MKNK2: variants seen among roughly 807,000 people sequenced by gnomAD.
The protein encoded by MKNK2 is MAPK interacting serine/threonine kinase 2.
Under a neutral mutation model 55.0 loss-of-function variants are expected in MKNK2, and 54 were observed. The observed-to-expected ratio is 0.98, with a 90% CI of 0.79 to 1.23. MKNK2 has a LOEUF of 1.23. Among genes scored for constraint, MKNK2 ranks in the 50% most tolerant of loss-of-function variants. The probability of loss-of-function intolerance (pLI) is 0.00; values close to 1 mark genes in which losing one functional copy is unlikely to be tolerated. For missense variants in MKNK2, 685 were observed against 632.1 expected (o/e 1.08, Z -0.90); for synonymous variants, 323 against 256.0 (o/e 1.26, Z -2.50).
At chr19:2,050,024 C>T (rs556815121) in intron 2 of MKNK2, among the ~76,000 whole-genome samples, 6 of 152,212 alleles carry the variant, frequency 3.9e-5, no homozygotes, top group Admixed American at 1.3e-4. Flanking sequence ...GAAGCGATTA[C>T]ATAACCCCGG....
rs576829962 is a variant in MKNK2 at position 2,045,538 on chromosome 19, A to C, written c.339+648T>G. Reference sequence around the variant, plus strand: ...ACCCCTCTTCTTCCTCCTTCTCCTCAGAGGAAAGCTCTAGCCTGGCCGTCC... The same window carrying C: ...ACCCCTCTTCTTCCTCCTTCTCCTCCGAGGAAAGCTCTAGCCTGGCCGTCC... On this transcript the variant is annotated intron_variant, in intron 5 of 13. Coordinates refer to ENST00000250896, the MANE Select transcript of MKNK2 (RefSeq NM_199054.3). Among the ~76,000 whole-genome samples the C allele has an allele frequency of 9.9e-5, 15 of 151,970 alleles. No homozygotes were observed. In the East Asian group the frequency reaches 2.7e-3, roughly 28 times the overall value.
intron 12 of MKNK2, 101 bp downstream of exon 12, chr19:2,040,939 C>G (rs1310215519): frequency 8.7e-7 from 1 of 1,153,256 alleles, no homozygotes; most frequent in Non-Finnish European, 1.3e-6. Flanking sequence ...CAGTGCATCT[C>G]AGGGTGTCCA....
intron 2 of MKNK2, among the ~76,000 whole-genome samples, chr19:2,048,327 C>T (rs1276726525): frequency 1.3e-5 from 2 of 152,162 alleles, no homozygotes; most frequent in Non-Finnish European, 2.9e-5. Context: ...GCCCAGCCCC[C>T]GTGGAAGATG....
intron 2 of MKNK2, among the ~76,000 whole-genome samples, chr19:2,047,577 G>A (rs142458784): frequency 6.6e-5 from 10 of 152,182 alleles, no homozygotes; most frequent in Non-Finnish European, 1.0e-4. Context: ...CAAAGGCAGC[G>A]GGGCAGTGGG....
At chr19:2,039,912 TG>T (rs2016839357) in intron 13 of MKNK2, 56 bp from the exon 14 acceptor site, 1 of 1,550,410 alleles carries the variant, frequency 6.4e-7, no homozygotes. Flanking sequence ...AGGGGACCCC[TG>T]GGGTCTGTGA....
Position 2,041,009 on chromosome 19 carries a change from C to T in MKNK2, c.1110+31G>A, listed in dbSNP as rs201504720. 16 of 1,611,946 alleles carry T rather than the reference C, an allele frequency of 9.9e-6. No homozygotes were observed. The African/African-American group carries it at 1.2e-4, about 12-fold the overall frequency. ...AGGCCACCCTGCAGCGCCCCCATAC[C>T]CCTCCTGCCGCCCGTGCGGCTGGTA... On this transcript the variant is annotated intron_variant, in intron 12 of 13. Coordinates refer to ENST00000250896, the MANE Select transcript of MKNK2 (RefSeq NM_199054.3).
At chr19:2,040,282 G>A in intron 12 of MKNK2, 105 bp from the exon 13 acceptor site, 1 of 1,030,784 alleles carries the variant, frequency 9.7e-7, no homozygotes. Flanking sequence ...CCATCACCAG[G>A]ACCCCACCGG....
rs2016773937 is a variant in MKNK2, at chr19:2,037,610, C to A, written c.*2003G>T. ...TTAAAGTGCTTGGATGTTTTTCCCC[C>A]ACTTTAAAAAAACTTTTGAGGTTTT... On this transcript the variant is annotated 3_prime_UTR_variant, in exon 14 of 14. Coordinates refer to ENST00000250896, the MANE Select transcript of MKNK2 (RefSeq NM_199054.3). The A allele has an allele frequency of 1.4e-6, 1 of 691,380 alleles. No individual in the cohort carries two copies. Among genetic ancestry groups the A allele is most frequent in the Non-Finnish European group, 2.1e-6 (1 of 469,726 alleles). 42.8% of individuals were successfully genotyped at this position (691,380 alleles called of 1,614,324 possible).
chr19:2,039,934 G>A (rs1055248570), intron 13 of MKNK2, 78 bp from the exon 14 acceptor site: 3 of 1,500,004 alleles, frequency 2.0e-6, no homozygotes, highest in Middle Eastern at 1.8e-4. Flanking sequence ...AGGCCCTGGG[G>A]GAAGGGGCTT....
Position 2,046,380 on chromosome 19 carries a change from C to T in MKNK2, c.228G>A (p.Ser76=), listed in dbSNP as rs372800343. 3.0e-5 allele frequency: 49 copies of T among 1,608,196 alleles called. No homozygotes were observed. The African/African-American group carries it at 3.9e-4, about 13-fold the overall frequency. The change falls in exon 4 of 14, where the codon TCG becomes TCA. Residue 76 remains serine (S), a synonymous_variant. Coordinates refer to ENST00000250896, the MANE Select transcript of MKNK2 (RefSeq NM_199054.3). ...ATCCCCGCTCACCTTCAAACCTGCCCGAGAAGCTGTCGGTGGCCCGGCCGC... is the reference window on the plus strand; with the variant it reads ...ATCCCCGCTCACCTTCAAACCTGCCTGAGAAGCTGTCGGTGGCCCGGCCGC... ...KKRGRATDSF[S]GRFEDVYQLQ...
Position 2,039,283 on chromosome 19 carries a change from G to A in MKNK2, c.*330C>T, listed in dbSNP as rs987736298. ...ACGTGGGCAGATGGCGGGCAGCACA[G>A]GTGACCTGGGGGCACCTTCATAGTA... On this transcript the variant is annotated 3_prime_UTR_variant, in exon 14 of 14. Transcript: ENST00000250896. 3 of 1,183,888 alleles carry A rather than the reference G, an allele frequency of 2.5e-6. No homozygotes were observed. Among genetic ancestry groups the A allele is most frequent in the South Asian group, 3.0e-5 (1 of 33,098 alleles). 73.3% of individuals were successfully genotyped at this position (1,183,888 alleles called of 1,614,324 possible).
intron 3 of MKNK2, 44 bp from the exon 4 acceptor site, chr19:2,046,512 G>T: frequency 1.3e-6 from 2 of 1,572,248 alleles, no homozygotes; most frequent in Non-Finnish European, 8.6e-7. Flanking sequence ...CATGGCCCTG[G>T]CCGGCCGGCC....
chr19:2,038,143 A>C lies in MKNK2; in HGVS notation c.*1470T>G. 9.5e-7 allele frequency: 1 copy of C among 1,051,606 alleles called. No individual in the cohort carries two copies. Among genetic ancestry groups the C allele is most frequent in the Non-Finnish European group, 1.1e-6 (1 of 873,980 alleles). The allele number at this position is 1,051,606 out of a possible 1,614,324, so 65.1% of individuals were successfully genotyped here. On this transcript the variant is annotated 3_prime_UTR_variant, in exon 14 of 14. Transcript: ENST00000250896. ...CTGTGACCATCATACGAGATTCAGG[A>C]GGGGCAGCAGGGCCAGGCAGACGGT...
chr19:2,037,715 G>C lies in MKNK2; in HGVS notation c.*1898C>G. On this transcript the variant is annotated 3_prime_UTR_variant, in exon 14 of 14. Coordinates refer to ENST00000250896, the MANE Select transcript of MKNK2 (RefSeq NM_199054.3). Reference sequence around the variant, plus strand: ...GTCCCCCAGCGATGGGAGCTGGCCTGGGGCCCAGGGTCCTCCAGGATCTTC... The same window carrying C: ...GTCCCCCAGCGATGGGAGCTGGCCTCGGGCCCAGGGTCCTCCAGGATCTTC... The C allele has an allele frequency of 6.5e-7, 1 of 1,535,334 alleles. No homozygotes were observed.
chr19:2,042,141 G>A (rs1022215483), intron 10 of MKNK2, 107 bp from the exon 11 acceptor site: 6 of 1,130,450 alleles, frequency 5.3e-6, no homozygotes, highest in South Asian at 1.7e-5. Context: ...ACCCCGCCCC[G>A]CCGGGCCCGA....
chr19:2,046,148 CA>C (rs752309510), intron 5 of MKNK2, 37 bp downstream of exon 5: 14 of 1,590,174 alleles, frequency 8.8e-6, no homozygotes, highest in Non-Finnish European at 1.2e-5. Flanking sequence ...ACACCGATCC[CA>C]AGGCGCTGGG....
chr19:2,039,847 A>G lies in MKNK2; in HGVS notation c.1164T>C (p.Cys388=), dbSNP rs770359093. 3.0e-5 allele frequency: 48 copies of G among 1,593,202 alleles called. No individual in the cohort carries two copies. In the Admixed American group the frequency reaches 7.9e-4, roughly 26 times the overall value. Residue 388 remains cysteine, a synonymous_variant, in exon 14 of 14, where the codon TGT becomes TGC. Coordinates refer to ENST00000250896, the MANE Select transcript of MKNK2 (RefSeq NM_199054.3). ...PTPMVLQRNS[C]AKDLTSFAAE... The stretch of plus-strand genomic sequence containing the variant: ...CCGCGAAGGACGTGAGGTCTTTGGC[A>G]CAGCTGTTCCTGGGAAACGGGGTGG...
At chr19:2,044,712 C>T (rs1027043670) in intron 5 of MKNK2, among the ~76,000 whole-genome samples, 2 of 152,240 alleles carry the variant, frequency 1.3e-5, no homozygotes, top group African/African-American at 4.8e-5. Flanking sequence ...AACAACTGGA[C>T]GCCAGGGTGT....
intron 5 of MKNK2, 38 bp from the exon 6 acceptor site, chr19:2,043,620 G>T: frequency 1.3e-6 from 2 of 1,593,678 alleles, no homozygotes; most frequent in African/African-American, 2.7e-5. Context: ...TGGGTTGGTG[G>T]GACGCTCATA....
Sources: gnomAD v4.1 joint callset for allele counts (sites outside exome capture counted in the v4.1 genomes callset) on GRCh38, gnomAD v4.1.1 for gene constraint, MANE v1.5 for transcripts, NCBI Gene and HGNC (gene_info 2026-07-23, HGNC 2026-07-21) for gene names.